Variants in THSD7A observed in about 807,000 individuals in gnomAD.
THSD7A encodes the protein thrombospondin type-1 domain-containing protein 7A.
In THSD7A, 96 loss-of-function variants were observed where a neutral mutation model predicts 231.3. The observed-to-expected ratio is 0.41, with a 90% CI of 0.35 to 0.49. THSD7A has a LOEUF of 0.49. THSD7A is among the 20% of genes least tolerant of loss of function. THSD7A has a pLI of 0.05. For synonymous variants in THSD7A, 940 were observed against 743.3 expected (o/e 1.26, Z -4.30); for missense variants, 2,290 against 2,070.2 (o/e 1.11, Z -2.06).
At chr7:11,682,717 A>C (rs1381745783) in intron 1 of THSD7A, among the ~76,000 whole-genome samples, 1 of 152,092 alleles carries the variant, frequency 6.6e-6, no homozygotes, top group Non-Finnish European at 1.5e-5. Flanking sequence ...AAAACTAACC[A>C]AGATATCCTG....
At chr7:11,541,033 C>G (rs541944821) in intron 6 of THSD7A, among the ~76,000 whole-genome samples, 8 of 152,108 alleles carry the variant, frequency 5.3e-5, no homozygotes, top group Non-Finnish European at 1.2e-4. Flanking sequence ...GCTTACAACC[C>G]TTTTTTGTTT....
In THSD7A at chr7:11,781,031, A is replaced by T. The variant is rs944881617; in HGVS notation, c.190+50726T>A. Among the ~76,000 whole-genome samples the T allele has an allele frequency of 5.1e-4, 72 of 140,918 alleles. 1 individual carries two copies. The highest frequency in any genetic ancestry group is 1.4e-3 in the African/African-American group (53 of 36,760). 92.4% of individuals were successfully genotyped at this position (140,918 alleles called of 152,430 possible). A position where few individuals can be genotyped will look rare whatever the true frequency, so the allele number is the denominator to read the frequency against. On this transcript the variant is annotated intron_variant, in intron 1 of 27. Coordinates refer to ENST00000423059, the MANE Select transcript of THSD7A (RefSeq NM_015204.3). ...AAAAAAAAAAAAAAAAAAAAAAAAA[A>T]AAAAAAATTTATAGGGAGAATTATG...
intron 1 of THSD7A, among the ~76,000 whole-genome samples, chr7:11,722,435 G>A (rs947670643): frequency 6.6e-6 from 1 of 151,808 alleles, no homozygotes; most frequent in Admixed American, 6.6e-5. Context: ...GGTCTTTTGA[G>A]ATGTTTCTTA....
intron 4 of THSD7A, among the ~76,000 whole-genome samples, chr7:11,565,635 C>G (rs1308225800): frequency 6.6e-6 from 1 of 152,124 alleles, no homozygotes; most frequent in East Asian, 1.9e-4. Flanking sequence ...AGAGAAGAAT[C>G]AAGTATGGCT....
In THSD7A at chr7:11,372,451, C is replaced by T. The variant is rs1459147268; in HGVS notation, c.*3343G>A. The T allele has an allele frequency of 6.6e-6, 1 of 151,472 alleles. No homozygotes were observed. The highest frequency in any genetic ancestry group is 1.5e-5 in the Non-Finnish European group (1 of 67,920). The allele number at this position is 151,472 out of a possible 1,614,324, so 9.4% of individuals were successfully genotyped here. A position where few individuals can be genotyped will look rare whatever the true frequency, so the allele number is the denominator to read the frequency against. On this transcript the variant is annotated 3_prime_UTR_variant, in exon 28 of 28. Transcript: ENST00000423059. ...GTAATTAAAAACAAGCTTTTATGCA[C>T]TCTTTTTAAATTCACTTAAGCTACA...
intron 4 of THSD7A, among the ~76,000 whole-genome samples, chr7:11,583,931 C>T (rs1365767783): frequency 3.9e-5 from 6 of 152,078 alleles, no homozygotes; most frequent in Non-Finnish European, 5.9e-5. Context: ...TATTTTTCTC[C>T]TAAGTTAAGA....
intron 11 of THSD7A, among the ~76,000 whole-genome samples, chr7:11,460,080 C>T (rs1303629685): frequency 6.6e-6 from 1 of 152,010 alleles, no homozygotes; most frequent in East Asian, 1.9e-4. Flanking sequence ...GTTGAACATT[C>T]TCATTACCCA....
chr7:11,536,957 A>G (rs1035960165), intron 6 of THSD7A, among the ~76,000 whole-genome samples: 1 of 152,132 alleles, frequency 6.6e-6, no homozygotes, highest in Non-Finnish European at 1.5e-5. Flanking sequence ...TACAGTTTAT[A>G]TATTGCATAC....
At chr7:11,799,080 A>G (rs1784208175) in intron 1 of THSD7A, among the ~76,000 whole-genome samples, 1 of 151,880 alleles carries the variant, frequency 6.6e-6, no homozygotes, top group South Asian at 2.1e-4. Context: ...ACACCACCAC[A>G]CCCAGATAAT....
chr7:11,486,845 A>G (rs553023555), intron 6 of THSD7A, among the ~76,000 whole-genome samples: 1 of 152,330 alleles, frequency 6.6e-6, no homozygotes, highest in African/African-American at 2.4e-5. Context: ...CAGAACATTT[A>G]TAAAACAGAC....
intron 1 of THSD7A, among the ~76,000 whole-genome samples, chr7:11,779,601 C>T (rs1783557430): frequency 6.6e-6 from 1 of 152,182 alleles, no homozygotes; most frequent in Admixed American, 6.5e-5. Context: ...TTCTAACTTA[C>T]ATCCAAAGTG....
At chr7:11,575,125 C>T (rs1790835007) in intron 4 of THSD7A, among the ~76,000 whole-genome samples, 1 of 152,162 alleles carries the variant, frequency 6.6e-6, no homozygotes, top group Admixed American at 6.5e-5. Flanking sequence ...AGAATAGTGT[C>T]TCACATATAG....
At chr7:11,800,153 G>C (rs2128181042) in intron 1 of THSD7A, among the ~76,000 whole-genome samples, 1 of 152,302 alleles carries the variant, frequency 6.6e-6, no homozygotes, top group East Asian at 1.9e-4. Flanking sequence ...GACTGCAGGA[G>C]TCTAGAGAAG....
intron 1 of THSD7A, among the ~76,000 whole-genome samples, chr7:11,821,943 G>C (rs1221818749): frequency 6.6e-6 from 1 of 152,094 alleles, no homozygotes; most frequent in African/African-American, 2.4e-5. Context: ...GGATGCAATG[G>C]CATCTTTTTG....
chr7:11,579,239 T>C (rs539703359), intron 4 of THSD7A, among the ~76,000 whole-genome samples: 2 of 152,356 alleles, frequency 1.3e-5, no homozygotes, highest in South Asian at 4.1e-4. Flanking sequence ...TTCTACAATG[T>C]AGTTTGCACT....
At chr7:11,441,784 A>G (rs542015999) in intron 13 of THSD7A, among the ~76,000 whole-genome samples, 1 of 152,094 alleles carries the variant, frequency 6.6e-6, no homozygotes, top group Non-Finnish European at 1.5e-5. Context: ...AACAATGAGA[A>G]CACATGGACA....
At chr7:11,545,664 A>G (rs1323309292) in intron 4 of THSD7A, among the ~76,000 whole-genome samples, 1 of 152,188 alleles carries the variant, frequency 6.6e-6, no homozygotes, top group African/African-American at 2.4e-5. Flanking sequence ...ACAGGCATGG[A>G]ATGGCCCACT....
intron 6 of THSD7A, among the ~76,000 whole-genome samples, chr7:11,522,241 A>C (rs1226696086): frequency 6.6e-6 from 1 of 152,136 alleles, no homozygotes; most frequent in Non-Finnish European, 1.5e-5. Context: ...TTAGAAGCCT[A>C]AGAGTCAGAG....
chr7:11,767,975 T>C (rs1222301770), intron 1 of THSD7A, among the ~76,000 whole-genome samples: 4 of 152,124 alleles, frequency 2.6e-5, no homozygotes, highest in Non-Finnish European at 4.4e-5. Flanking sequence ...TGAAAAGGGA[T>C]CAAAATAAAT....
Sources: allele counts gnomAD v4.1 joint callset (sites outside exome capture counted in the v4.1 genomes callset), GRCh38; gene constraint gnomAD v4.1.1; transcripts MANE v1.5; gene names NCBI Gene and HGNC (gene_info 2026-07-23, HGNC 2026-07-21).